SLC25A44: variants seen among roughly 807,000 people sequenced by gnomAD.
The protein encoded by SLC25A44 is solute carrier family 25 member 44.
In SLC25A44, 17 loss-of-function variants were observed where a neutral mutation model predicts 29.9. That is an observed-to-expected ratio of 0.57 (90% CI 0.39 to 0.85). The LOEUF is 0.85. Among genes scored for constraint, SLC25A44 ranks in the 40% least tolerant of loss-of-function variants. The pLI is 0.00. For missense variants in SLC25A44, 302 were observed against 398.4 expected, an observed-to-expected ratio of 0.76 and a Z score of 2.06; for synonymous variants, 140 against 151.8, an observed-to-expected ratio of 0.92 and a Z score of 0.57.
Position 156,200,097 on chromosome 1 carries a change from C to T in SLC25A44, c.250C>T (p.Leu84Phe). Residue 84 changes from leucine to phenylalanine, a missense_variant, in exon 2 of 4, where the codon CTC becomes TTC. Leu to Phe is a conservative substitution (Grantham distance 22, BLOSUM62 0). Coordinates refer to ENST00000359511, the MANE Select transcript of SLC25A44 (RefSeq NM_014655.4). Reference sequence around the variant, plus strand: ...AGGGTTCCTGGTCAATACCTTCACCCTCATCTCTGGCCAGTGTTATGTCAC... The same window carrying T: ...AGGGTTCCTGGTCAATACCTTCACCTTCATCTCTGGCCAGTGTTATGTCAC... ...YRGFLVNTFT[L>F]ISGQCYVTTY... 6.2e-7 allele frequency: 1 copy of T among 1,614,186 alleles called. No homozygotes were observed.
intron 2 of SLC25A44, among the ~76,000 whole-genome samples, chr1:156,205,046 A>AT (rs1389323296): frequency 3.2e-4 from 48 of 148,148 alleles, no homozygotes; most frequent in Middle Eastern, 3.5e-3. Flanking sequence ...TGAGGAAAAA[A>AT]TTTTTTTTTT....
At position 156,204,674 on chromosome 1, in the gene SLC25A44, G is replaced by C. The variant is rs572700020; in HGVS notation, c.626-3212G>C. On this transcript the variant is annotated intron_variant, in intron 2 of 3. Coordinates refer to ENST00000359511, the MANE Select transcript of SLC25A44 (RefSeq NM_014655.4). ...GCAAATTTTTTGTATTTTTAGTAGA[G>C]ATGGGGTTTTACCATGTTGGCCAGG... Among the ~76,000 whole-genome samples the C allele has an allele frequency of 1.1e-4, 16 of 152,068 alleles. No homozygotes were observed. The East Asian group carries it at 1.9e-3, about 18-fold the overall frequency.
chr1:156,209,735 A>G (rs2103055082), intron 3 of SLC25A44, among the ~76,000 whole-genome samples: 1 of 152,240 alleles, frequency 6.6e-6, no homozygotes, highest in East Asian at 1.9e-4. Context: ...AATGATCAGA[A>G]TCAAAATCAG....
chr1:156,212,768 G>C lies in SLC25A44; in HGVS notation c.*2337G>C. 1.8e-6 allele frequency: 1 copy of C among 546,250 alleles called. No individual in the cohort carries two copies. The highest frequency in any genetic ancestry group is 3.3e-6 in the Non-Finnish European group (1 of 305,958). The allele number at this position is 546,250 out of a possible 1,614,324, so 33.8% of individuals were successfully genotyped here. On this transcript the variant is annotated 3_prime_UTR_variant, in exon 4 of 4. Transcript: ENST00000359511. ...TTGCACTGTACGAAGTCTCTGAAATGTAATTAAAAGTTTTTATTGAGCCCC... is the reference window on the plus strand; with the variant it reads ...TTGCACTGTACGAAGTCTCTGAAATCTAATTAAAAGTTTTTATTGAGCCCC...
At chr1:156,199,096 G>A (rs1225793644) in intron 1 of SLC25A44, 1 of 152,304 alleles carries the variant, frequency 6.6e-6, no homozygotes, top group Non-Finnish European at 1.5e-5. Flanking sequence ...GTGCCCTGTG[G>A]TGTGAAAGCC....
rs1337099590 is a variant in SLC25A44 at position 156,200,344 on chromosome 1, C to T, written c.497C>T (p.Thr166Ile). Residue 166 changes from threonine to isoleucine, a missense_variant, in exon 2 of 4, where the codon ACC becomes ATC. Coordinates refer to ENST00000359511, the MANE Select transcript of SLC25A44 (RefSeq NM_014655.4). ...CAAGGGGTAGTTGCCTTTGGCCAAA[C>T]CAAGGACATCATCAGGCAGATCCTG... The part of the protein sequence containing the change: ...EGQGVVAFGQ[T>I]KDIIRQILQA... The T allele has an allele frequency of 1.9e-6, 3 of 1,614,142 alleles. No homozygotes were observed. Among genetic ancestry groups the T allele is most frequent in the East Asian group, 2.2e-5 (1 of 44,882 alleles).
intron 2 of SLC25A44, among the ~76,000 whole-genome samples, chr1:156,201,209 A>G (rs1337079394): frequency 6.6e-6 from 1 of 152,118 alleles, no homozygotes; most frequent in African/African-American, 2.4e-5. Flanking sequence ...AAGACATTTT[A>G]CTTTTTAAGT....
chr1:156,199,572 C>T (rs1656419338), intron 1 of SLC25A44: 1 of 475,544 alleles, frequency 2.1e-6, no homozygotes, highest in Non-Finnish European at 3.7e-6. Context: ...CCAGGGGAAT[C>T]ATTGAAGTGA....
At position 156,198,430 on chromosome 1, in the gene SLC25A44, ATAC is replaced by A. The variant is rs1656348731; in HGVS notation, c.-13-1403_-13-1401del. 1 of 151,672 alleles carries A rather than the reference ATAC, an allele frequency of 6.6e-6. No homozygotes were observed. Among genetic ancestry groups the A allele is most frequent in the Non-Finnish European group, 1.5e-5 (1 of 67,982 alleles). The allele number at this position is 151,672 out of a possible 1,614,324, so 9.4% of individuals were successfully genotyped here. ...ACATGAGGGCTACATGTGCATCAAC[ATAC>A]TCTGGTTTCCTTCCCTCTGTATCTT... is the stretch of plus-strand genomic sequence containing the variant. On this transcript the variant is annotated intron_variant, in intron 1 of 3. Transcript: ENST00000359511. The surrounding 1 kb of genome is among the most constrained non-coding windows in gnomAD (Gnocchi z 4.1).
At chr1:156,210,143 G>A (rs1657201761) in intron 3 of SLC25A44, 97 bp from the exon 4 acceptor site, 4 of 829,970 alleles carry the variant, frequency 4.8e-6, no homozygotes, top group Non-Finnish European at 7.5e-6. Flanking sequence ...TCCGACGTCG[G>A]AGTCTGGTTC....
chr1:156,207,884 A>G lies in SLC25A44; in HGVS notation c.626-2A>G, dbSNP rs377698528. ...TAGCCATTGTCTTTCCCTGGATTCC[A>G]GAGCAGCTCTCCTACCTGTGTCCTA... is the stretch of plus-strand genomic sequence containing the variant. On this transcript the variant is annotated splice_acceptor_variant, in intron 2 of 3. Transcript: ENST00000359511. LOFTEE classifies it high-confidence loss of function. 5.0e-6 allele frequency: 8 copies of G among 1,613,850 alleles called. No individual in the cohort carries two copies. In the African/African-American group the frequency reaches 1.1e-4, roughly 22 times the overall value.
chr1:156,202,614 C>G (rs1656656364), intron 2 of SLC25A44, among the ~76,000 whole-genome samples: 1 of 152,216 alleles, frequency 6.6e-6, no homozygotes. Flanking sequence ...CCTCCTCTTC[C>G]TTCCTCTCCA....
chr1:156,199,661 G>C, intron 1 of SLC25A44, 174 bp from the exon 2 acceptor site: 1 of 606,834 alleles, frequency 1.6e-6, no homozygotes, highest in Non-Finnish European at 2.9e-6. Flanking sequence ...CCTGATCTAT[G>C]AAAGAAGACT....
intron 2 of SLC25A44, among the ~76,000 whole-genome samples, chr1:156,205,234 G>C (rs1475018346): frequency 6.6e-6 from 1 of 152,024 alleles, no homozygotes; most frequent in East Asian, 1.9e-4. Context: ...GTAGAGACGG[G>C]GTTTTTCCAT....
intron 2 of SLC25A44, among the ~76,000 whole-genome samples, chr1:156,202,796 T>C (rs1289724476): frequency 6.6e-6 from 1 of 152,174 alleles, no homozygotes; most frequent in African/African-American, 2.4e-5. Flanking sequence ...TGAATGCCCA[T>C]GTGTGCCAGG....
chr1:156,207,771 G>A (rs11578135), intron 2 of SLC25A44, 115 bp from the exon 3 acceptor site: 11 of 1,092,764 alleles, frequency 1.0e-5, no homozygotes, highest in Non-Finnish European at 1.5e-5. Flanking sequence ...CTTAGGTGGT[G>A]AAGGGTGGAG....
At chr1:156,195,386 G>C (rs1292209887) in intron 1 of SLC25A44, among the ~76,000 whole-genome samples, 1 of 152,038 alleles carries the variant, frequency 6.6e-6, no homozygotes. Flanking sequence ...TATAGGCCCG[G>C]CCTCACCTCA....
chr1:156,207,415 A>G (rs921229414), intron 2 of SLC25A44, among the ~76,000 whole-genome samples: 6 of 151,996 alleles, frequency 3.9e-5, no homozygotes, highest in South Asian at 2.1e-4. Flanking sequence ...TCCTGACCTC[A>G]TGATCTGCCC....
Position 156,212,269 on chromosome 1 carries a change from C to G in SLC25A44, c.*1838C>G, listed in dbSNP as rs896878569. The G allele has an allele frequency of 5.3e-5, 8 of 152,298 alleles. No individual in the cohort carries two copies. The highest frequency in any genetic ancestry group is 1.9e-4 in the African/African-American group (8 of 41,416). 9.4% of individuals were successfully genotyped at this position (152,298 alleles called of 1,614,324 possible). A position where few individuals can be genotyped will look rare whatever the true frequency, so the allele number is the denominator to read the frequency against. On this transcript the variant is annotated 3_prime_UTR_variant, in exon 4 of 4. Transcript: ENST00000359511. ...GCAAGACCTCTAGAGACCCTAGAGA[C>G]TCGACTTTAGTCCTTCCCCGCCATG...
Sources: gnomAD v4.1 joint callset for allele counts (sites outside exome capture counted in the v4.1 genomes callset) on GRCh38, gnomAD v4.1.1 for gene constraint, Gnocchi (gnomAD v3.1) non-coding constraint, MANE v1.5 for transcripts, NCBI Gene and HGNC (gene_info 2026-07-23, HGNC 2026-07-21) for gene names.